The following HHIPL2 variants were observed in gnomAD, a reference collection of about 807,000 sequenced individuals.
HHIPL2 encodes HHIP like 2, also known as HHIP-like protein 2.
HHIPL2 carries 61 observed loss-of-function variants against 61.0 expected under a neutral mutation model. That is an observed-to-expected ratio of 1.00 (90% CI 0.81 to 1.24). The LOEUF (loss-of-function observed/expected upper bound fraction) is 1.24. Ranked by LOEUF, HHIPL2 falls within the 50% of genes most tolerant of loss-of-function variation. The pLI, the probability that HHIPL2 is intolerant of heterozygous loss-of-function variation, is 0.00. For missense variants in HHIPL2, 885 were observed against 910.2 expected (o/e 0.97, Z 0.36); for synonymous variants, 343 against 357.4 (o/e 0.96, Z 0.45).
chr1:222,530,738 T>C (rs912061310), intron 6 of HHIPL2, among the ~76,000 whole-genome samples: 1 of 137,000 alleles, frequency 7.3e-6, no homozygotes, highest in Non-Finnish European at 1.5e-5. Context: ...TTTTTTAAAT[T>C]TTTTCTTTTC....
intron 4 of HHIPL2, among the ~76,000 whole-genome samples, chr1:222,539,245 T>C (rs1050507252): frequency 6.6e-6 from 1 of 152,094 alleles, no homozygotes; most frequent in African/African-American, 2.4e-5. Context: ...TTAGAAAGTG[T>C]CCTGGGCCGG....
rs766123509 is a variant in HHIPL2, at chr1:222,547,901, G to C, written c.144C>G (p.Tyr48Ter). ...GCAGAGGGGGCTGGAAAGGGGGCCC[G>C]TAATCCAGGCACTGGGGGTGTCCCT... ...LLQGHPQCLD[Y>*]GPPFQPPLHL... is the part of the protein sequence containing the mutation. The change falls in exon 1 of 9, where the codon TAC becomes TAG. Residue 48 changes from tyrosine to a stop codon, truncating the protein, a stop_gained. Coordinates refer to ENST00000343410, the MANE Select transcript of HHIPL2 (RefSeq NM_024746.4). LOFTEE classifies it high-confidence loss of function. 2 of 1,614,126 alleles carry C rather than the reference G, an allele frequency of 1.2e-6. No individual in the cohort carries two copies. Among genetic ancestry groups the C allele is most frequent in the Non-Finnish European group, 1.7e-6 (2 of 1,180,020 alleles).
At position 222,522,688 on chromosome 1, in the gene HHIPL2, C is replaced by G; in HGVS notation, c.2088G>C (p.Gln696His). 1 of 1,614,220 alleles carries G rather than the reference C, an allele frequency of 6.2e-7. No homozygotes were observed. The stretch of plus-strand genomic sequence containing the variant: ...TTTTCAGGCTCTTCCTCCTCTTGCC[C>G]TGGCGGACGTGGGGCCCCACTCTGG... ...KKARVGPHVR[Q>H]GKRRKSLKSH... Residue 696 changes from glutamine (Q) to histidine (H), a missense_variant, in exon 9 of 9, where the codon CAG becomes CAC. Physicochemically the swap from Gln to His is conservative, Grantham distance 24. Coordinates refer to ENST00000343410, the MANE Select transcript of HHIPL2 (RefSeq NM_024746.4).
At chr1:222,542,241 A>C in intron 2 of HHIPL2, 86 bp from the exon 3 acceptor site, 4 of 1,490,250 alleles carry the variant, frequency 2.7e-6, no homozygotes, top group African/African-American at 2.9e-5. Flanking sequence ...TGACTGGGCC[A>C]AGCCACCGAG....
chr1:222,545,533 T>G (rs916185169), intron 1 of HHIPL2, among the ~76,000 whole-genome samples: 1 of 152,024 alleles, frequency 6.6e-6, no homozygotes, highest in Non-Finnish European at 1.5e-5. Flanking sequence ...GCTCATTCTG[T>G]CCACTCTCGG....
chr1:222,530,301 G>A (rs1659160835), intron 6 of HHIPL2, among the ~76,000 whole-genome samples: 1 of 152,188 alleles, frequency 6.6e-6, no homozygotes, highest in Non-Finnish European at 1.5e-5. Flanking sequence ...TCCCTGGGCA[G>A]GCCTGCCTCT....
rs117940365 is a variant in HHIPL2, at chr1:222,543,685, C to G, written c.826G>C (p.Gly276Arg). 60 of 1,613,990 alleles carry G rather than the reference C, an allele frequency of 3.7e-5. No individual in the cohort carries two copies. Among genetic ancestry groups the G allele is most frequent in the Non-Finnish European group, 4.7e-5 (55 of 1,180,034 alleles). ...CGGAATTTGGGGTGAAAAGCCAACC[C>G]CAAGAAGCCTCTCTCATCCCCGATC... ...PWIGDERGFLGLAFHPKFRHN... is the reference protein window; with the variant it reads ...PWIGDERGFLRLAFHPKFRHN... Residue 276 changes from glycine to arginine, a missense_variant, in exon 2 of 9, where the codon GGG becomes CGG. Transcript: ENST00000343410.
intron 1 of HHIPL2, among the ~76,000 whole-genome samples, chr1:222,546,409 A>C (rs4481854): frequency 0.049 from 7,480 of 152,278 alleles, 497 homozygotes; most frequent in African/African-American, 0.14. Flanking sequence ...GGTACACACT[A>C]CATACGTTGG....
rs144158861 is a variant in HHIPL2, at chr1:222,537,022, G to C, written c.1577+1626C>G. Among the ~76,000 whole-genome samples, 374 of 152,224 alleles carry C rather than the reference G, an allele frequency of 2.5e-3. 2 individuals are homozygous for C. The highest frequency in any genetic ancestry group is 8.5e-3 in the African/African-American group (354 of 41,540). ...CCATTGCAGTCCAGCTTGCATAACA[G>C]AGCAAAACCTTGTTTCAAAAAATAA... On this transcript the variant is annotated intron_variant, in intron 5 of 8. Coordinates refer to ENST00000343410, the MANE Select transcript of HHIPL2 (RefSeq NM_024746.4).
chr1:222,544,080 CAGTT>C lies in HHIPL2; in HGVS notation c.427_430del (p.Asn143ValfsTer8). On this transcript the variant is annotated frameshift_variant, in exon 2 of 9. Coordinates refer to ENST00000343410, the MANE Select transcript of HHIPL2 (RefSeq NM_024746.4). LOFTEE classifies it high-confidence loss of function. ...GGTCAGCAGGGAAATGGCTGAGTGA[CAGTT>C]AGAATGGAAGGCAGAGCAGTAATCA... 3.1e-6 allele frequency: 5 copies of C among 1,614,122 alleles called. No homozygotes were observed. Among genetic ancestry groups the C allele is most frequent in the East Asian group, 2.2e-5 (1 of 44,876 alleles).
Position 222,540,080 on chromosome 1 carries a change from T to G in HHIPL2, c.1380A>C (p.Gly460=), listed in dbSNP as rs1486188707. 6.2e-7 allele frequency: 1 copy of G among 1,614,268 alleles called. No individual in the cohort carries two copies. Among genetic ancestry groups the G allele is most frequent in the South Asian group, 1.1e-5 (1 of 91,092 alleles). ...FEEVDLILKG[G]NYGWRAKEGF... ...CTTCCTTTGCTCTCCAGCCATAGTT[T>G]CCACCTTTCAAAATGAGGTCAACCT... The change falls in exon 4 of 9, where the codon GGA becomes GGC. Residue 460 remains glycine (G), a synonymous_variant. Transcript: ENST00000343410.
intron 5 of HHIPL2, among the ~76,000 whole-genome samples, chr1:222,535,758 C>T (rs1037141781): frequency 9.9e-5 from 15 of 152,212 alleles, no homozygotes; most frequent in Middle Eastern, 3.4e-3. Context: ...ATTTAGGACC[C>T]ACCCAGAAAA....
intron 5 of HHIPL2, among the ~76,000 whole-genome samples, chr1:222,538,005 A>C (rs1273152008): frequency 6.6e-6 from 1 of 152,196 alleles, no homozygotes; most frequent in Non-Finnish European, 1.5e-5. Context: ...GTACTCATAC[A>C]ACTGAATTTT....
chr1:222,533,405 T>A (rs1435792522), intron 5 of HHIPL2, among the ~76,000 whole-genome samples: 1 of 150,854 alleles, frequency 6.6e-6, no homozygotes, highest in East Asian at 1.9e-4. Flanking sequence ...GGAAAAAGAA[T>A]CACTGCATAT....
chr1:222,524,081 T>C (rs1659011599), intron 7 of HHIPL2: 1 of 177,384 alleles, frequency 5.6e-6, no homozygotes. Flanking sequence ...AGCTCACAGA[T>C]GAGGATGATG....
intron 7 of HHIPL2, chr1:222,525,042 A>T (rs1394035082): frequency 6.6e-6 from 1 of 152,080 alleles, no homozygotes; most frequent in Non-Finnish European, 1.5e-5. Flanking sequence ...CATGCACAGC[A>T]CTTAGTACAG....
At chr1:222,543,463 C>G in intron 2 of HHIPL2, 74 bp downstream of exon 2, 2 of 1,392,094 alleles carry the variant, frequency 1.4e-6, no homozygotes, top group Non-Finnish European at 2.0e-6. Flanking sequence ...AAGTTCCCCT[C>G]TATTATCTCG....
intron 6 of HHIPL2, among the ~76,000 whole-genome samples, chr1:222,530,829 G>T (rs1410129560): frequency 2.0e-5 from 3 of 151,718 alleles, no homozygotes; most frequent in Non-Finnish European, 4.4e-5. Flanking sequence ...GAATCTAGAT[G>T]TGGAAGGGAC....
rs537191993 is a variant in HHIPL2, at chr1:222,529,079, C to T, written c.1724-2029G>A. 9.2e-5 allele frequency among the ~76,000 whole-genome samples: 14 copies of T among 152,220 alleles called. No individual in the cohort carries two copies. The South Asian group carries it at 2.1e-3, about 23-fold the overall frequency. On this transcript the variant is annotated intron_variant, in intron 6 of 8. Coordinates refer to ENST00000343410, the MANE Select transcript of HHIPL2 (RefSeq NM_024746.4). ...TCAAGCAATCCTCCCAGCTCAGCCT[C>T]CCAAAGCAGTAGGATTACAGGCATG...
Sources: gnomAD v4.1 joint callset for allele counts (sites outside exome capture counted in the v4.1 genomes callset) on GRCh38, gnomAD v4.1.1 for gene constraint, MANE v1.5 for transcripts, NCBI Gene and HGNC (gene_info 2026-07-23, HGNC 2026-07-21) for gene names.